The following YES1 variants were observed in gnomAD, a reference collection of about 807,000 sequenced individuals.
The protein encoded by YES1 is YES proto-oncogene 1, Src family tyrosine kinase, also known as tyrosine-protein kinase Yes.
A neutral mutation model predicts 70.4 loss-of-function variants in YES1; 39 were observed. The ratio of observed to expected loss-of-function variants is 0.55; its 90% confidence interval spans 0.43 to 0.72. The LOEUF (loss-of-function observed/expected upper bound fraction) is 0.72. YES1 is among the 30% of genes least tolerant of loss of function. The pLI, the probability that YES1 is intolerant of heterozygous loss-of-function variation, is 0.00. For missense variants in YES1, 495 were observed against 644.8 expected, an observed-to-expected ratio of 0.77 and a Z score of 2.52; for synonymous variants, 198 against 218.6, an observed-to-expected ratio of 0.91 and a Z score of 0.83.
chr18:808,645 T>A (rs1234260716), intron 1 of YES1, among the ~76,000 whole-genome samples: 1 of 152,184 alleles, frequency 6.6e-6, no homozygotes, highest in East Asian at 1.9e-4. Context: ...ACCACAAACA[T>A]CACCTTTATA....
intron 1 of YES1, among the ~76,000 whole-genome samples, chr18:781,538 T>A (rs1748331887): frequency 6.6e-6 from 1 of 152,198 alleles, no homozygotes; most frequent in Non-Finnish European, 1.5e-5. Context: ...TGTCACTGCC[T>A]GTTTATTTCT....
intron 3 of YES1, 78 bp from the exon 4 acceptor site, chr18:748,096 C>A: frequency 8.7e-7 from 1 of 1,152,132 alleles, no homozygotes; most frequent in Non-Finnish European, 1.3e-6. Context: ...TATCTTGTAT[C>A]TGAAGTAAAC....
rs1337544246 is a variant in YES1 at position 810,052 on chromosome 18, G to A, written c.-9+2062C>T. 2.7e-5 allele frequency among the ~76,000 whole-genome samples: 4 copies of A among 150,150 alleles called. No homozygotes were observed. The South Asian group carries it at 8.4e-4, about 32-fold the overall frequency. On this transcript the variant is annotated intron_variant, in intron 1 of 11. Transcript: ENST00000314574. ...TTACCCAAGTTTGGGTGACCCCAGCGCTTAGCATCACTTAAAAAATTGTTT... is the reference window on the plus strand; with the variant it reads ...TTACCCAAGTTTGGGTGACCCCAGCACTTAGCATCACTTAAAAAATTGTTT...
chr18:745,894 C>G, intron 5 of YES1, 37 bp from the exon 6 acceptor site: 1 of 1,605,524 alleles, frequency 6.2e-7, no homozygotes, highest in Non-Finnish European at 8.5e-7. Context: ...ATATCTTTCT[C>G]AAAATACTGC....
chr18:799,558 A>G (rs943849786), intron 1 of YES1, among the ~76,000 whole-genome samples: 2 of 152,036 alleles, frequency 1.3e-5, no homozygotes, highest in Non-Finnish European at 2.9e-5. Context: ...AAAAATACAA[A>G]AAGTAGCCAG....
At chr18:757,499 T>C (rs1350517585) in intron 1 of YES1, among the ~76,000 whole-genome samples, 1 of 127,576 alleles carries the variant, frequency 7.8e-6, no homozygotes. Flanking sequence ...CGAGACTCCG[T>C]CTCAAAAAAA....
chr18:728,893 T>C (rs117115981), intron 11 of YES1, among the ~76,000 whole-genome samples: 1,604 of 152,344 alleles, frequency 0.011, 9 homozygotes, highest in Non-Finnish European at 0.017. Flanking sequence ...GCTTTGATTT[T>C]TGTAATTTGA....
chr18:802,999 G>A (rs927398928), intron 1 of YES1, among the ~76,000 whole-genome samples: 5 of 152,206 alleles, frequency 3.3e-5, no homozygotes, highest in East Asian at 1.9e-4. Flanking sequence ...AGGCCGAGGC[G>A]GGAGGATCCC....
In YES1 at chr18:734,904, T is replaced by A. The variant is rs150415597; in HGVS notation, c.1291+1904A>T. Among the ~76,000 whole-genome samples, 908 of 152,304 alleles carry A rather than the reference T, an allele frequency of 6.0e-3. 8 individuals carry two copies. The highest frequency in any genetic ancestry group is 0.02 in the African/African-American group (839 of 41,566). On this transcript the variant is annotated intron_variant, in intron 10 of 11. Transcript: ENST00000314574. ...CAGGTGTGGTGGCTCACGCCTGTAA[T>A]CCCAGCGCTTTGGGAAGCCAAGGCG...
chr18:796,362 A>G (rs1455091277), intron 1 of YES1, among the ~76,000 whole-genome samples: 1 of 152,226 alleles, frequency 6.6e-6, no homozygotes, highest in South Asian at 2.1e-4. Flanking sequence ...TGAGTTAGCT[A>G]AATATGTTAA....
At chr18:780,737 TATAGG>T (rs1905616744) in intron 1 of YES1, among the ~76,000 whole-genome samples, 1 of 152,224 alleles carries the variant, frequency 6.6e-6, no homozygotes, top group African/African-American at 2.4e-5. Flanking sequence ...TTACTTGTTC[TATAGG>T]GTTGCCTATA....
chr18:764,511 C>A (rs1032261423), intron 1 of YES1, among the ~76,000 whole-genome samples: 2 of 152,114 alleles, frequency 1.3e-5, no homozygotes, highest in Non-Finnish European at 2.9e-5. Flanking sequence ...CGTGAGCCAC[C>A]GTGCCTGGCC....
chr18:756,883 C>A, intron 1 of YES1, 48 bp from the exon 2 acceptor site: 1 of 1,516,368 alleles, frequency 6.6e-7, no homozygotes, highest in Non-Finnish European at 8.9e-7. Context: ...ACACAGGATA[C>A]TTCAAAAAGA....
At chr18:739,610 A>G in intron 9 of YES1, 125 bp downstream of exon 9, 1 of 763,912 alleles carries the variant, frequency 1.3e-6, no homozygotes, top group Non-Finnish European at 2.0e-6. Context: ...CGCTGTCTCT[A>G]AAAAATAAAA....
At chr18:746,201 T>C (rs979452571) in intron 4 of YES1, 150 bp from the exon 5 acceptor site, 5 of 623,962 alleles carry the variant, frequency 8.0e-6, no homozygotes, top group South Asian at 4.3e-5. Flanking sequence ...AAGAGTTTTA[T>C]TGATTAAATA....
intron 9 of YES1, chr18:738,097 G>A (rs1268017000): frequency 6.6e-6 from 1 of 151,422 alleles, no homozygotes; most frequent in Non-Finnish European, 1.5e-5. Context: ...CTACCATAGA[G>A]TGTCTAACTC....
intron 1 of YES1, among the ~76,000 whole-genome samples, chr18:781,378 C>T (rs75822705): frequency 0.079 from 11,946 of 151,984 alleles, 711 homozygotes; most frequent in Admixed American, 0.2. Flanking sequence ...TTCATAAACG[C>T]TTGGCACAAC....
intron 1 of YES1, among the ~76,000 whole-genome samples, chr18:810,958 T>G (rs1257148988): frequency 7.4e-6 from 1 of 135,048 alleles, no homozygotes; most frequent in Non-Finnish European, 1.5e-5. Context: ...CTGTGATAGT[T>G]AAGATATTAG....
intron 8 of YES1, among the ~76,000 whole-genome samples, chr18:741,813 A>ACAAACAAACAAG (rs148695044): frequency 0.016 from 2,379 of 152,130 alleles, 64 homozygotes; most frequent in African/African-American, 0.055. Context: ...AACAAAAACA[A>ACAAACAAACAAG]CAAACAAACA....
Sources: gnomAD v4.1 joint callset for allele counts (sites outside exome capture counted in the v4.1 genomes callset) on GRCh38, gnomAD v4.1.1 for gene constraint, MANE v1.5 for transcripts, NCBI Gene and HGNC (gene_info 2026-07-23, HGNC 2026-07-21) for gene names.